Variants in NFIB observed in about 807,000 individuals in gnomAD.
NFIB encodes nuclear factor 1 B-type.
Under a neutral mutation model 61.5 loss-of-function variants are expected in NFIB, and 11 were observed. The observed-to-expected ratio is 0.18, with a 90% CI of 0.11 to 0.30. The LOEUF is 0.30. NFIB is among the 10% of genes least tolerant of loss of function. NFIB has a pLI of 1.00. For synonymous variants in NFIB, 260 were observed against 216.5 expected (o/e 1.20, Z -1.76); for missense variants, 471 against 608.9 (o/e 0.77, Z 2.38).
chr9:14,140,292 G>C (rs948103565), intron 6 of NFIB, among the ~76,000 whole-genome samples: 24 of 152,130 alleles, frequency 1.6e-4, no homozygotes, highest in African/African-American at 5.8e-4. Flanking sequence ...ATCTATGACA[G>C]CTGCTTATTC....
intron 2 of NFIB, among the ~76,000 whole-genome samples, chr9:14,278,554 G>A (rs947084320): frequency 6.6e-6 from 1 of 152,200 alleles, no homozygotes; most frequent in African/African-American, 2.4e-5. Context: ...AAGAAAAGAG[G>A]CGAGCCCCTG....
intron 1 of NFIB, among the ~76,000 whole-genome samples, chr9:14,386,051 G>A (rs1193810479): frequency 6.6e-6 from 1 of 151,988 alleles, no homozygotes; most frequent in Non-Finnish European, 1.5e-5. Context: ...CCAAAGTGCT[G>A]GAATTACAGA....
At chr9:14,295,199 T>C (rs890446176) in intron 2 of NFIB, among the ~76,000 whole-genome samples, 2 of 151,986 alleles carry the variant, frequency 1.3e-5, no homozygotes, top group Non-Finnish European at 2.9e-5. Context: ...AAAAATTAAA[T>C]GGCAATAAAA....
intron 2 of NFIB, among the ~76,000 whole-genome samples, chr9:14,294,056 T>C (rs966703310): frequency 6.6e-6 from 1 of 152,238 alleles, no homozygotes; most frequent in Non-Finnish European, 1.5e-5. Context: ...TTTTATATTA[T>C]ACGAATGTTG....
At chr9:14,348,110 A>C (rs1381548546) in intron 1 of NFIB, among the ~76,000 whole-genome samples, 1 of 152,162 alleles carries the variant, frequency 6.6e-6, no homozygotes, top group Non-Finnish European at 1.5e-5. Flanking sequence ...GCACCCTGGG[A>C]AGGAAATGTG....
chr9:14,213,933 C>G (rs1462471000), intron 2 of NFIB, among the ~76,000 whole-genome samples: 1 of 149,552 alleles, frequency 6.7e-6, no homozygotes, highest in Non-Finnish European at 1.5e-5. Context: ...CCCCCAACTC[C>G]CACTGCTCCA....
At chr9:14,499,065 T>C in the NFIB span, among the ~76,000 whole-genome samples, 2 of 151,668 alleles carry the variant, frequency 1.3e-5, no homozygotes, top group African/African-American at 4.8e-5. Flanking sequence ...TGTGCGTGTG[T>C]GGGTGTGTGT....
chr9:14,151,963 C>T (rs745371113), intron 4 of NFIB, among the ~76,000 whole-genome samples: 8 of 151,974 alleles, frequency 5.3e-5, no homozygotes, highest in African/African-American at 7.2e-5. Context: ...TTTCTTACCC[C>T]TCATTTTTAA....
chr9:14,097,875 C>CTTTCTTT (rs1554630193), intron 10 of NFIB, among the ~76,000 whole-genome samples: 6 of 110,838 alleles, frequency 5.4e-5, no homozygotes, highest in African/African-American at 1.0e-4. Context: ...TTTCTTTTTT[C>CTTTCTTT]TTTTTTTTTT....
rs368203515 is a variant in NFIB, at chr9:14,263,590, C to T, written c.562+43399G>A. 4.6e-5 allele frequency among the ~76,000 whole-genome samples: 7 copies of T among 152,284 alleles called. No homozygotes were observed. In the East Asian group the frequency reaches 1.2e-3, roughly 25 times the overall value. ...TGTATACATATGGAATTCTGCACTG[C>T]GACCTCAGAAGGATCTGAGTGGCTA... On this transcript the variant is annotated intron_variant, in intron 2 of 10. Coordinates refer to ENST00000380953, the MANE Select transcript of NFIB (RefSeq NM_001190737.2).
At chr9:14,250,436 G>C (rs1389607171) in intron 2 of NFIB, among the ~76,000 whole-genome samples, 1 of 152,182 alleles carries the variant, frequency 6.6e-6, no homozygotes, top group Non-Finnish European at 1.5e-5. Context: ...TCAAAAGGAA[G>C]ACAGATTTCC....
At chr9:14,357,534 C>A (rs767596528) in intron 1 of NFIB, 7 of 152,146 alleles carry the variant, frequency 4.6e-5, no homozygotes, top group Non-Finnish European at 1.0e-4. Flanking sequence ...GAGGTAGTGA[C>A]CCAATATTCA....
the NFIB span, among the ~76,000 whole-genome samples, chr9:14,418,252 T>G: frequency 6.6e-6 from 1 of 152,160 alleles, no homozygotes; most frequent in Non-Finnish European, 1.5e-5. Context: ...TAAATACTGC[T>G]TCCTCCTTTG....
At chr9:14,418,646 G>C in the NFIB span, among the ~76,000 whole-genome samples, 1 of 152,126 alleles carries the variant, frequency 6.6e-6, no homozygotes, top group Non-Finnish European at 1.5e-5. Context: ...CCCTATTAGG[G>C]TCCCCAGGAG....
chr9:14,344,031 G>A (rs1312151548), intron 1 of NFIB, among the ~76,000 whole-genome samples: 1 of 151,598 alleles, frequency 6.6e-6, no homozygotes. Flanking sequence ...TACAGAAATG[G>A]CCTAGCAAAT....
chr9:14,119,836 T>C (rs1036182571), intron 8 of NFIB, among the ~76,000 whole-genome samples: 3 of 152,088 alleles, frequency 2.0e-5, no homozygotes, highest in Non-Finnish European at 1.5e-5. Context: ...GAGTGAGAAA[T>C]GCTCATGAGT....
chr9:14,260,859 G>T (rs1313806422), intron 2 of NFIB, among the ~76,000 whole-genome samples: 2 of 152,196 alleles, frequency 1.3e-5, no homozygotes, highest in Admixed American at 6.5e-5. Context: ...AAGGCACTCA[G>T]TTCAGGGAGC....
rs558354491 is a variant in NFIB, at chr9:14,387,425, T to C, written c.108+11099A>G. ...AAAGTGATTCTAAAATAAAGTTAAATGTAAGCCAGGTATTGGAGTAAAATA... is the reference window on the plus strand; with the variant it reads ...AAAGTGATTCTAAAATAAAGTTAAACGTAAGCCAGGTATTGGAGTAAAATA... On this transcript the variant is annotated intron_variant, in intron 1 of 8. Coordinates refer to the NFIB transcript ENST00000380934. Among the ~76,000 whole-genome samples the C allele has an allele frequency of 1.1e-3, 168 of 152,278 alleles. 3 individuals carry two copies. Among genetic ancestry groups the C allele is most frequent in the African/African-American group, 3.8e-3 (160 of 41,564 alleles).
chr9:14,522,493 T>G, the NFIB span, among the ~76,000 whole-genome samples: 2 of 152,210 alleles, frequency 1.3e-5, no homozygotes, highest in African/African-American at 4.8e-5. Context: ...GTTGTCTCTT[T>G]TAAAGTCTTT....
Sources: allele counts gnomAD v4.1 joint callset (sites outside exome capture counted in the v4.1 genomes callset), GRCh38; gene constraint gnomAD v4.1.1; transcripts MANE v1.5; gene names NCBI Gene and HGNC (gene_info 2026-07-23, HGNC 2026-07-21).